The following BTBD8 variants were observed in gnomAD, a reference collection of about 807,000 sequenced individuals.
BTBD8 encodes the protein BTB/POZ domain-containing protein 8.
In BTBD8, 110 loss-of-function variants were observed where a neutral mutation model predicts 162.9. That is an observed-to-expected ratio of 0.68 (90% CI 0.58 to 0.79). The LOEUF (loss-of-function observed/expected upper bound fraction) is 0.79. Among genes scored for constraint, BTBD8 ranks in the 30% least tolerant of loss-of-function variants. The pLI, the probability that BTBD8 is intolerant of heterozygous loss-of-function variation, is 0.00. For synonymous variants in BTBD8, 667 were observed against 716.1 expected (o/e 0.93, Z 1.10); for missense variants, 1,905 against 2,085.4 (o/e 0.91, Z 1.68).
chr1:92,102,210 G>C (rs904869929), intron 2 of BTBD8, among the ~76,000 whole-genome samples: 1 of 151,884 alleles, frequency 6.6e-6, no homozygotes, highest in Non-Finnish European at 1.5e-5. Context: ...TTAGAGACAG[G>C]GTTTCGCCAT....
At chr1:92,175,156 GA>G (rs921744791) in intron 13 of BTBD8, among the ~76,000 whole-genome samples, 41 of 146,124 alleles carry the variant, frequency 2.8e-4, no homozygotes, top group Admixed American at 6.2e-4. Flanking sequence ...GCTTCCAAAG[GA>G]AAAAAAAAAC....
chr1:92,178,176 T>A lies in BTBD8; in HGVS notation c.2442-136T>A. ...AGTTTTATAAACTTAAAAAGACTTA[T>A]GAGCATATGATTTTTCTATTTTCAG... On this transcript the variant is annotated intron_variant, in intron 15 of 17. Coordinates refer to ENST00000636805, the MANE Select transcript of BTBD8 (RefSeq NM_001376131.1). The A allele has an allele frequency of 7.0e-6, 5 of 711,598 alleles. No homozygotes were observed. The South Asian group carries it at 8.5e-5, about 12-fold the overall frequency. The allele number at this position is 711,598 out of a possible 1,614,324, so 44.1% of individuals were successfully genotyped here. A position where few individuals can be genotyped will look rare whatever the true frequency, so the allele number is the denominator to read the frequency against.
At chr1:92,140,108 C>CAA (rs66840540) in intron 6 of BTBD8, among the ~76,000 whole-genome samples, 6 of 109,380 alleles carry the variant, frequency 5.5e-5, no homozygotes, top group African/African-American at 2.1e-4. Flanking sequence ...GACTCTGTCT[C>CAA]AAAAAAAAAA....
rs771933710 is a variant in BTBD8, at chr1:92,141,101, T to C, written c.834-14T>C. The C allele has an allele frequency of 1.3e-5, 20 of 1,533,686 alleles. No homozygotes were observed. Among genetic ancestry groups the C allele is most frequent in the Non-Finnish European group, 1.8e-5 (20 of 1,142,428 alleles). On this transcript the variant is annotated splice_polypyrimidine_tract_variant and intron_variant, in intron 6 of 17. Transcript: ENST00000636805. ...TAAATTGGAGAATTAACAGTGCATCTATTTTTATTTTAGTCAGATACTCAA... is the reference window on the plus strand; with the variant it reads ...TAAATTGGAGAATTAACAGTGCATCCATTTTTATTTTAGTCAGATACTCAA...
At chr1:92,176,090 G>C (rs1487692202) in intron 13 of BTBD8, among the ~76,000 whole-genome samples, 1 of 152,076 alleles carries the variant, frequency 6.6e-6, no homozygotes, top group Non-Finnish European at 1.5e-5. Context: ...TTGATGTGCT[G>C]TGCTTCCTAG....
chr1:92,147,151 A>G, intron 7 of BTBD8, 29 bp from the exon 8 acceptor site: 1 of 1,522,654 alleles, frequency 6.6e-7, no homozygotes, highest in Non-Finnish European at 9.0e-7. Flanking sequence ...TTGAAAAGGA[A>G]TAAATATGGT....
At chr1:92,117,310 G>C (rs1277026067) in intron 4 of BTBD8, among the ~76,000 whole-genome samples, 1 of 150,688 alleles carries the variant, frequency 6.6e-6, no homozygotes, top group Non-Finnish European at 1.5e-5. Flanking sequence ...TTATGTTTTT[G>C]AATGTTTGAA....
chr1:92,087,368 T>G (rs1648189459), intron 1 of BTBD8, among the ~76,000 whole-genome samples: 1 of 152,186 alleles, frequency 6.6e-6, no homozygotes, highest in South Asian at 2.1e-4. Flanking sequence ...TCTATTTCAA[T>G]TAAAGTTTGA....
At chr1:92,161,952 T>C (rs1158095647) in intron 9 of BTBD8, among the ~76,000 whole-genome samples, 3 of 152,226 alleles carry the variant, frequency 2.0e-5, no homozygotes, top group African/African-American at 7.2e-5. Context: ...GTGTTTTCTA[T>C]GTTTCTTCTT....
At position 92,184,301 on chromosome 1, in the gene BTBD8, A is replaced by G. The variant is rs1455090738; in HGVS notation, c.5350A>G (p.Thr1784Ala). Reference protein sequence around the residue: ...SEDCSPQGEWTILELETQH With the variant: ...SEDCSPQGEWAILELETQH ...AGATTGTTCGCCTCAAGGCGAGTGG[A>G]CAATTCTGGAACTGGAAACTCAGCA... The change falls in exon 18 of 18, where the codon ACA becomes GCA. Residue 1784 changes from threonine (T) to alanine (A), a missense_variant. Around this residue, in one of 3 missense-constraint regions of BTBD8, gnomAD observed 517 missense variants for 606.6 expected, o/e 0.85. Transcript: ENST00000636805. The G allele has an allele frequency of 5.8e-6, 9 of 1,550,592 alleles. No individual in the cohort carries two copies. Among genetic ancestry groups the G allele is most frequent in the Non-Finnish European group, 7.9e-6 (9 of 1,146,312 alleles).
intron 9 of BTBD8, 29 bp downstream of exon 9, chr1:92,147,815 T>A: frequency 6.5e-7 from 1 of 1,540,208 alleles, no homozygotes; most frequent in Non-Finnish European, 8.9e-7. Flanking sequence ...CTCTTTTGTG[T>A]GTTTGCCATT....
chr1:92,171,355 T>C, intron 12 of BTBD8, 44 bp from the exon 13 acceptor site: 1 of 1,398,772 alleles, frequency 7.1e-7, no homozygotes. Flanking sequence ...TCTAAGGTAA[T>C]AATAATGTTC....
At chr1:92,164,956 CT>C (rs1200327369) in intron 9 of BTBD8, among the ~76,000 whole-genome samples, 2 of 151,606 alleles carry the variant, frequency 1.3e-5, no homozygotes, top group African/African-American at 4.8e-5. Flanking sequence ...CTGGCCAGTA[CT>C]TTTTTTAAAA....
Position 92,180,301 on chromosome 1 carries a change from C to T in BTBD8, c.2618C>T (p.Ser873Leu). 1.3e-6 allele frequency: 2 copies of T among 1,547,490 alleles called. No homozygotes were observed. The highest frequency in any genetic ancestry group is 1.7e-6 in the Non-Finnish European group (2 of 1,145,890). Residue 873 changes from serine to leucine, a missense_variant, in exon 17 of 18, where the codon TCA becomes TTA. This residue lies in a region of BTBD8 where 1,374 missense variants were observed against 1,442.7 expected (regional missense o/e 0.95). Transcript: ENST00000636805. ...GAGTCACCAAACTCAGTAAAATCTT[C>T]AGTCTCTTCAAGGCAGTCTGATGAA... is the stretch of plus-strand genomic sequence containing the variant. ...QGESPNSVKS[S>L]VSSRQSDENV...
chr1:92,150,073 A>G (rs1164246371), intron 9 of BTBD8, among the ~76,000 whole-genome samples: 6 of 152,182 alleles, frequency 3.9e-5, no homozygotes, highest in Non-Finnish European at 8.8e-5. Flanking sequence ...TTCTTTATAC[A>G]ATAAGTCTGC....
chr1:92,156,796 T>C (rs1161814210), intron 9 of BTBD8, among the ~76,000 whole-genome samples: 2 of 152,140 alleles, frequency 1.3e-5, no homozygotes, highest in African/African-American at 4.8e-5. Context: ...CCTCTTTCAT[T>C]TTGGATTGTA....
At chr1:92,165,274 G>A (rs936945934) in intron 9 of BTBD8, among the ~76,000 whole-genome samples, 1 of 152,148 alleles carries the variant, frequency 6.6e-6, no homozygotes, top group African/African-American at 2.4e-5. Context: ...CTATGACCCA[G>A]TTTTATACTA....
chr1:92,121,820 C>G (rs1649219368), intron 4 of BTBD8, among the ~76,000 whole-genome samples: 1 of 151,788 alleles, frequency 6.6e-6, no homozygotes, highest in South Asian at 2.1e-4. Context: ...CTGTTTATAT[C>G]TTTTGCCCAT....
At chr1:92,085,548 C>T (rs984196317) in intron 1 of BTBD8, among the ~76,000 whole-genome samples, 1 of 151,648 alleles carries the variant, frequency 6.6e-6, no homozygotes, top group Non-Finnish European at 1.5e-5. Flanking sequence ...GTACTCCCAG[C>T]TACTCAGGAG....
Sources: allele counts gnomAD v4.1 joint callset (sites outside exome capture counted in the v4.1 genomes callset), GRCh38; gene constraint gnomAD v4.1.1; regional missense constraint gnomAD v4.1.1; transcripts MANE v1.5; gene names NCBI Gene and HGNC (gene_info 2026-07-23, HGNC 2026-07-21).